The following AGBL1 variants were observed in gnomAD, a reference collection of about 807,000 sequenced individuals.
AGBL1 encodes AGBL carboxypeptidase 1.
A neutral mutation model predicts 118.9 loss-of-function variants in AGBL1; 130 were observed. The ratio of observed to expected loss-of-function variants is 1.09; its 90% CI spans 0.95 to 1.26. The LOEUF (loss-of-function observed/expected upper bound fraction) is 1.26. Among genes scored for constraint, AGBL1 ranks in the 50% most tolerant of loss-of-function variants. The pLI is 0.00. For synonymous variants in AGBL1, 555 were observed against 478.9 expected (o/e 1.16, Z -2.08); for missense variants, 1,584 against 1,298.1 (o/e 1.22, Z -3.38).
intron 20 of AGBL1, among the ~76,000 whole-genome samples, chr15:86,552,578 C>A (rs975585585): frequency 6.6e-6 from 1 of 152,182 alleles, no homozygotes; most frequent in Non-Finnish European, 1.5e-5. Context: ...TATGTAGTAA[C>A]CTCTATGAGC....
intron 18 of AGBL1, among the ~76,000 whole-genome samples, chr15:86,421,724 AC>A (rs2081793104): frequency 1.3e-5 from 2 of 152,224 alleles, no homozygotes; most frequent in Non-Finnish European, 1.5e-5. Context: ...ATGCAAAGAC[AC>A]ACATAGGCTC....
At chr15:86,512,605 T>G (rs1222844567) in intron 18 of AGBL1, among the ~76,000 whole-genome samples, 1 of 151,792 alleles carries the variant, frequency 6.6e-6, no homozygotes. Flanking sequence ...TGGTATTGGT[T>G]GAAGTCTTAG....
chr15:86,574,723 A>G (rs1186978359), intron 21 of AGBL1, among the ~76,000 whole-genome samples: 1 of 151,412 alleles, frequency 6.6e-6, no homozygotes, highest in African/African-American at 2.4e-5. Flanking sequence ...GACTACAGGC[A>G]AGCACCACCA....
chr15:86,541,342 T>C (rs543165133), intron 19 of AGBL1, among the ~76,000 whole-genome samples: 18 of 152,166 alleles, frequency 1.2e-4, no homozygotes, highest in Non-Finnish European at 2.1e-4. Flanking sequence ...CTCAGCAGTC[T>C]GCTTTAACAA....
At chr15:87,021,510 T>A (rs1026122551) in intron 24 of AGBL1, among the ~76,000 whole-genome samples, 4 of 59,466 alleles carry the variant, frequency 6.7e-5, no homozygotes, top group Admixed American at 2.0e-4. Context: ...CTAATTAAAC[T>A]AAAGAGCTTC....
intron 18 of AGBL1, among the ~76,000 whole-genome samples, chr15:86,496,706 G>A (rs563742500): frequency 1.4e-4 from 21 of 150,050 alleles, no homozygotes; most frequent in African/African-American, 4.9e-4. Flanking sequence ...TTATTATTTT[G>A]GTGATTTTGC....
intron 21 of AGBL1, among the ~76,000 whole-genome samples, chr15:86,624,950 A>G (rs147841341): frequency 6.6e-6 from 1 of 152,186 alleles, no homozygotes; most frequent in Non-Finnish European, 1.5e-5. Context: ...AGAGCTGCTT[A>G]CCAGGCTCTG....
intron 1 of AGBL1, among the ~76,000 whole-genome samples, chr15:86,120,577 T>A (rs926291124): frequency 1.3e-5 from 2 of 152,216 alleles, no homozygotes; most frequent in Non-Finnish European, 2.9e-5. Context: ...CCACCTCCAC[T>A]GCACAACAGC....
At chr15:86,085,864 C>A (rs150416381) in intron 1 of AGBL1, among the ~76,000 whole-genome samples, 4 of 152,342 alleles carry the variant, frequency 2.6e-5, no homozygotes, top group East Asian at 3.9e-4. Context: ...GCTCTGACAG[C>A]ATGGCTGAAT....
chr15:86,698,706 C>A lies in AGBL1; in HGVS notation c.3158+24270C>A, dbSNP rs373848860. ...AGCTCAATCCCACTATCCTACTCTG[C>A]CTATCTAGTGCTGCAGTTTTTCTGG... On this transcript the variant is annotated intron_variant, in intron 22 of 22. Transcript: ENST00000614907. 1.6e-3 allele frequency among the ~76,000 whole-genome samples: 239 copies of A among 151,204 alleles called. 2 individuals are homozygous for A. The highest frequency in any genetic ancestry group is 5.6e-3 in the African/African-American group (232 of 41,164).
At chr15:86,768,416 CCTTAT>C (rs1479447922) in intron 22 of AGBL1, among the ~76,000 whole-genome samples, 5 of 151,988 alleles carry the variant, frequency 3.3e-5, no homozygotes, top group Admixed American at 1.3e-4. Flanking sequence ...CCCCTTCCCA[CCTTAT>C]CTTATACCAC....
intron 23 of AGBL1, among the ~76,000 whole-genome samples, chr15:86,983,579 C>T (rs1159229705): frequency 6.6e-6 from 1 of 152,074 alleles, no homozygotes; most frequent in Non-Finnish European, 1.5e-5. Context: ...GCAATAAATG[C>T]ATACATTTTA....
intron 17 of AGBL1, among the ~76,000 whole-genome samples, chr15:86,339,821 G>T (rs35838547): frequency 0.046 from 7,013 of 152,146 alleles, 197 homozygotes; most frequent in South Asian, 0.081. Flanking sequence ...ACAAAAATTA[G>T]CTGGGCGTAG....
chr15:87,003,552 G>T (rs1396892271), intron 24 of AGBL1, among the ~76,000 whole-genome samples: 2 of 152,118 alleles, frequency 1.3e-5, no homozygotes, highest in Non-Finnish European at 2.9e-5. Context: ...AGAAGGAATG[G>T]TACCCGCTCC....
rs141506044 is a variant in AGBL1, at chr15:87,015,810, A to T, written c.3324-13015A>T. ...ACTTGAAAACTAAAACATTAGGAGT[A>T]ATTTTTAGACACTTATGGGAAAAAT... is the stretch of plus-strand genomic sequence containing the variant. On this transcript the variant is annotated intron_variant, in intron 24 of 24. Transcript: ENST00000441037. Among the ~76,000 whole-genome samples the T allele has an allele frequency of 4.7e-4, 71 of 152,288 alleles. No homozygotes were observed. The East Asian group carries it at 0.012, about 26-fold the overall frequency.
chr15:86,423,805 C>T (rs772137003), intron 18 of AGBL1, among the ~76,000 whole-genome samples: 2 of 152,106 alleles, frequency 1.3e-5, no homozygotes, highest in African/African-American at 4.8e-5. Context: ...TAATAAAATA[C>T]CTAGCAATAC....
chr15:86,380,935 A>AGT (rs139872296), intron 17 of AGBL1, among the ~76,000 whole-genome samples: 3,690 of 149,592 alleles, frequency 0.025, 65 homozygotes, highest in East Asian at 0.059. Flanking sequence ...TTACTTATAA[A>AGT]GTGTGTGTGT....
intron 1 of AGBL1, among the ~76,000 whole-genome samples, chr15:86,111,245 G>A (rs889746817): frequency 2.6e-5 from 4 of 152,196 alleles, no homozygotes; most frequent in African/African-American, 7.2e-5. Context: ...TCCTTTGATG[G>A]ATGGACTGGG....
intron 18 of AGBL1, among the ~76,000 whole-genome samples, chr15:86,465,015 T>C (rs1426577630): frequency 6.6e-6 from 1 of 152,182 alleles, no homozygotes; most frequent in Non-Finnish European, 1.5e-5. Context: ...CTTGGTTCCA[T>C]TCTCCTTGTC....
Sources: gnomAD v4.1 joint callset for allele counts (sites outside exome capture counted in the v4.1 genomes callset) on GRCh38, gnomAD v4.1.1 for gene constraint, MANE v1.5 for transcripts, NCBI Gene and HGNC (gene_info 2026-07-23, HGNC 2026-07-21) for gene names.